The following DMRT1 variants were observed in gnomAD, a reference collection of about 807,000 sequenced individuals.
The protein encoded by DMRT1 is doublesex- and mab-3-related transcription factor 1.
In DMRT1, 7 loss-of-function variants were observed where a neutral mutation model predicts 32.3. That is an observed-to-expected ratio of 0.22 (90% CI 0.12 to 0.41). The LOEUF is 0.41. Among genes scored for constraint, DMRT1 ranks in the 10% least tolerant of loss-of-function variants. The pLI, the probability that DMRT1 is intolerant of heterozygous loss-of-function variation, is 1.00. For missense variants in DMRT1, 625 were observed against 500.5 expected (o/e 1.25, Z -2.37); for synonymous variants, 278 against 206.1 (o/e 1.35, Z -2.99).
intron 2 of DMRT1, among the ~76,000 whole-genome samples, chr9:888,718 G>C (rs186237894): frequency 7.0e-6 from 1 of 143,562 alleles, no homozygotes; most frequent in East Asian, 1.9e-4. Flanking sequence ...AGTCAGGACT[G>C]TCACAGCGAT....
chr9:930,199 G>A (rs1212767010), intron 4 of DMRT1, among the ~76,000 whole-genome samples: 4 of 152,086 alleles, frequency 2.6e-5, no homozygotes, highest in Admixed American at 1.3e-4. Context: ...GAGGTAGGAT[G>A]GAGCTAGATT....
intron 1 of DMRT1, chr9:842,779 G>A (rs1247316946): frequency 6.6e-6 from 1 of 152,536 alleles, no homozygotes; most frequent in African/African-American, 2.4e-5. Flanking sequence ...CGGCGGAGTT[G>A]CGGGGGTTCC....
intron 2 of DMRT1, among the ~76,000 whole-genome samples, chr9:868,179 A>G (rs1041923799): frequency 1.3e-5 from 2 of 152,110 alleles, no homozygotes; most frequent in African/African-American, 2.4e-5. Flanking sequence ...GGGTTTTACC[A>G]TGTTGCCCAG....
chr9:939,455 T>C (rs775104451), intron 4 of DMRT1, among the ~76,000 whole-genome samples: 1 of 152,162 alleles, frequency 6.6e-6, no homozygotes, highest in Non-Finnish European at 1.5e-5. Flanking sequence ...AAAAACAGAG[T>C]TAATTTACCG....
Position 841,980 on chromosome 9 carries a change from G to A in DMRT1, c.142G>A (p.Gly48Arg), listed in dbSNP as rs762791305. 12 of 1,575,406 alleles carry A rather than the reference G, an allele frequency of 7.6e-6. No homozygotes were observed. The highest frequency in any genetic ancestry group is 1.0e-5 in the Non-Finnish European group (12 of 1,161,640). The change falls in exon 1 of 5, where the codon GGG becomes AGG. Residue 48 changes from glycine to arginine, a missense_variant. Gly to Arg is a moderately radical substitution (Grantham distance 125, BLOSUM62 -2). Around this residue, in one of 3 missense-constraint regions of DMRT1, gnomAD observed 201 missense variants for 152.0 expected, o/e 1.32. Transcript: ENST00000382276. ...LVGAASGSSA[G>R]GSSRGGGSGS... is the part of the protein sequence containing the mutation. ...GGGGGCGGCCAGCGGCTCGAGCGCCGGGGGCAGCAGCAGAGGAGGCGGCTC... is the reference window on the plus strand; with the variant it reads ...GGGGGCGGCCAGCGGCTCGAGCGCCAGGGGCAGCAGCAGAGGAGGCGGCTC...
chr9:926,810 A>C (rs1030255023), intron 4 of DMRT1, among the ~76,000 whole-genome samples: 1 of 152,210 alleles, frequency 6.6e-6, no homozygotes, highest in African/African-American at 2.4e-5. Flanking sequence ...TCTGTTTTCA[A>C]TGCTGATGTT....
At chr9:962,214 C>T (rs1315585100) in intron 4 of DMRT1, among the ~76,000 whole-genome samples, 11 of 152,124 alleles carry the variant, frequency 7.2e-5, no homozygotes, top group East Asian at 1.9e-4. Context: ...GTGAGTCAGC[C>T]CCTCGTGTGC....
In DMRT1 at chr9:968,121, C is replaced by T; in HGVS notation, c.1104C>T (p.Val368=). ...CCAGCAGCTTCACAGTCACTCCCGT[C>T]ATCGAGGAGGACGAGTGAGCAGTGC... ...SEPSSFTVTP[V]IEEDE Residue 368 remains valine (V), a synonymous_variant, in exon 5 of 5, where the codon GTC becomes GTT. Coordinates refer to ENST00000382276, the MANE Select transcript of DMRT1 (RefSeq NM_021951.3). The T allele has an allele frequency of 4.3e-6, 7 of 1,613,038 alleles. No homozygotes were observed. Among genetic ancestry groups the T allele is most frequent in the Non-Finnish European group, 5.9e-6 (7 of 1,179,992 alleles).
intron 2 of DMRT1, among the ~76,000 whole-genome samples, chr9:887,619 G>C (rs565525731): frequency 4.6e-5 from 7 of 152,130 alleles, no homozygotes; most frequent in East Asian, 1.9e-4. Context: ...TCTCCTTTGG[G>C]CCTCTGTTGA....
chr9:939,575 C>G (rs1288550483), intron 4 of DMRT1, among the ~76,000 whole-genome samples: 1 of 152,052 alleles, frequency 6.6e-6, no homozygotes, highest in Non-Finnish European at 1.5e-5. Flanking sequence ...CTTTATTATT[C>G]CTTTATTGGC....
intron 3 of DMRT1, among the ~76,000 whole-genome samples, chr9:899,493 C>T (rs1368627945): frequency 6.6e-6 from 1 of 152,194 alleles, no homozygotes; most frequent in Non-Finnish European, 1.5e-5. Context: ...AATGCCCTGC[C>T]TGCTGAGAGC....
intron 3 of DMRT1, among the ~76,000 whole-genome samples, chr9:900,161 T>G (rs10977357): frequency 0.56 from 85,136 of 151,708 alleles, 25,271 homozygotes; most frequent in South Asian, 0.67. Context: ...TGCCTAAACC[T>G]TTCTACAGGT....
At chr9:903,465 T>C (rs962926784) in intron 3 of DMRT1, among the ~76,000 whole-genome samples, 5 of 152,230 alleles carry the variant, frequency 3.3e-5, no homozygotes, top group African/African-American at 1.2e-4. Flanking sequence ...ATTGCTGTTT[T>C]GTTTCACAGA....
intron 1 of DMRT1, among the ~76,000 whole-genome samples, chr9:843,170 C>A (rs977408775): frequency 1.3e-5 from 2 of 152,186 alleles, no homozygotes; most frequent in African/African-American, 4.8e-5. Context: ...TAGAAAGGAT[C>A]TTGGAGGGCG....
intron 2 of DMRT1, among the ~76,000 whole-genome samples, chr9:877,857 A>G (rs1368976924): frequency 1.3e-5 from 2 of 152,182 alleles, no homozygotes; most frequent in Non-Finnish European, 1.5e-5. Context: ...GGAGGTGAGA[A>G]AAGTACACCT....
intron 4 of DMRT1, among the ~76,000 whole-genome samples, chr9:957,718 GA>G (rs1819643148): frequency 6.6e-6 from 1 of 152,188 alleles, no homozygotes; most frequent in South Asian, 2.1e-4. Context: ...TATTTTAGAA[GA>G]AAATATTGAG....
intron 4 of DMRT1, among the ~76,000 whole-genome samples, chr9:921,306 T>C (rs1289774170): frequency 1.3e-5 from 2 of 152,250 alleles, no homozygotes; most frequent in African/African-American, 4.8e-5. Flanking sequence ...TACACTGTCG[T>C]ATAGATCAGT....
chr9:917,208 CT>C (rs1818212570), intron 4 of DMRT1, among the ~76,000 whole-genome samples: 1 of 152,036 alleles, frequency 6.6e-6, no homozygotes, highest in South Asian at 2.1e-4. Context: ...TACAGGGGCA[CT>C]TTAAATGTGG....
At chr9:899,004 T>G (rs1268830416) in intron 3 of DMRT1, among the ~76,000 whole-genome samples, 2 of 152,140 alleles carry the variant, frequency 1.3e-5, no homozygotes, top group Non-Finnish European at 2.9e-5. Context: ...TTACATGTAT[T>G]TTTTTAACTA....
Sources: gnomAD v4.1 joint callset for allele counts (sites outside exome capture counted in the v4.1 genomes callset) on GRCh38, gnomAD v4.1.1 for gene constraint, gnomAD v4.1.1 regional missense constraint, MANE v1.5 for transcripts, NCBI Gene and HGNC (gene_info 2026-07-23, HGNC 2026-07-21) for gene names.